The following SHTN1 variants were observed in gnomAD, a reference collection of about 807,000 sequenced individuals.
SHTN1 encodes the protein shootin 1.
A neutral mutation model predicts 83.1 loss-of-function variants in SHTN1; 42 were observed. The ratio of observed to expected loss-of-function variants is 0.51; its 90% CI spans 0.39 to 0.65. The LOEUF (loss-of-function observed/expected upper bound fraction) is 0.65. Among genes scored for constraint, SHTN1 ranks in the 30% least tolerant of loss-of-function variants. The pLI is 0.00. For synonymous variants in SHTN1, 224 were observed against 247.7 expected (o/e 0.90, Z 0.90); for missense variants, 622 against 737.8 (o/e 0.84, Z 1.82).
chr10:117,075,663 T>C (rs4752029), intron 1 of SHTN1, among the ~76,000 whole-genome samples: 138,468 of 152,184 alleles, frequency 0.91, 64,378 homozygotes, highest in Non-Finnish European at 1. Flanking sequence ...GTCAGGAAGA[T>C]ACCAGAGATA....
At chr10:116,946,652 G>A (rs10787732) in intron 7 of SHTN1, among the ~76,000 whole-genome samples, 68,772 of 84,940 alleles carry the variant, frequency 0.81, 29,378 homozygotes, top group Non-Finnish European at 0.91. Flanking sequence ...TATATAAAAT[G>A]ATTTATATAT....
At chr10:116,966,340 TAA>T (rs1017661193) in intron 3 of SHTN1, among the ~76,000 whole-genome samples, 18 of 152,108 alleles carry the variant, frequency 1.2e-4, no homozygotes, top group African/African-American at 3.9e-4. Context: ...TGAGACTGAG[TAA>T]AGAGTTGGCA....
chr10:116,976,420 C>T (rs991917174), intron 2 of SHTN1, among the ~76,000 whole-genome samples: 1 of 152,126 alleles, frequency 6.6e-6, no homozygotes, highest in African/African-American at 2.4e-5. Flanking sequence ...GGAAAAAATA[C>T]CTTGCAATTT....
intron 2 of SHTN1, among the ~76,000 whole-genome samples, chr10:117,010,782 AAATC>A (rs1217486718): frequency 1.3e-5 from 2 of 152,250 alleles, no homozygotes; most frequent in Admixed American, 6.5e-5. Flanking sequence ...CAACATAAGA[AAATC>A]AATCAATGTA....
chr10:117,065,001 T>C (rs1477650992), intron 1 of SHTN1, among the ~76,000 whole-genome samples: 1 of 152,188 alleles, frequency 6.6e-6, no homozygotes, highest in Non-Finnish European at 1.5e-5. Flanking sequence ...AGCACATGCT[T>C]ATCACCTCAC....
chr10:117,005,996 ATT>A (rs1852000260), upstream of SHTN1, among the ~76,000 whole-genome samples: 1 of 152,192 alleles, frequency 6.6e-6, no homozygotes. Context: ...CCTCTGAACT[ATT>A]TGAACTCATG....
rs562749927 is a variant in SHTN1, at chr10:116,919,986, G to C, written c.1195+1448C>G. Among the ~76,000 whole-genome samples the C allele has an allele frequency of 2.0e-5, 3 of 152,310 alleles. No homozygotes were observed. In the East Asian group the frequency reaches 5.8e-4, roughly 29 times the overall value. ...CATGAAAGCAGTGGGATGCTGCCAA[G>C]AAGAGTAAACCCTCAAAGAGCTTGC... On this transcript the variant is annotated intron_variant, in intron 12 of 16. Coordinates refer to ENST00000355371, the MANE Select transcript of SHTN1 (RefSeq NM_001127211.3).
chr10:117,016,967 G>A (rs1347376512), intron 2 of SHTN1, among the ~76,000 whole-genome samples: 1 of 152,116 alleles, frequency 6.6e-6, no homozygotes, highest in Non-Finnish European at 1.5e-5. Flanking sequence ...CATGAGCATA[G>A]CCAAAACCCA....
At chr10:117,061,135 CTTTTT>C (rs5788206) in intron 1 of SHTN1, among the ~76,000 whole-genome samples, 1 of 127,264 alleles carries the variant, frequency 7.9e-6, no homozygotes, top group Admixed American at 8.0e-5. Flanking sequence ...AAGCTTTAGT[CTTTTT>C]TTTTTTTTTT....
At chr10:117,065,454 A>G (rs1852962928) in intron 1 of SHTN1, among the ~76,000 whole-genome samples, 1 of 151,668 alleles carries the variant, frequency 6.6e-6, no homozygotes, top group African/African-American at 2.4e-5. Flanking sequence ...TGAGAGGCCG[A>G]GGCCTGTAAT....
At chr10:117,114,616 A>C (rs980362474) in intron 1 of SHTN1, among the ~76,000 whole-genome samples, 9 of 152,144 alleles carry the variant, frequency 5.9e-5, no homozygotes, top group Admixed American at 2.0e-4. Context: ...ACCTGGGGTG[A>C]AAACTATACA....
At position 116,885,084 on chromosome 10, in the gene SHTN1, A is replaced by AC; in HGVS notation, c.*1259dup. 1 of 152,760 alleles carries AC rather than the reference A, an allele frequency of 6.5e-6. No individual in the cohort carries two copies. The highest frequency in any genetic ancestry group is 3.4e-3 in the Middle Eastern group (1 of 294). 9.5% of individuals were successfully genotyped at this position (152,760 alleles called of 1,614,324 possible). A position where few individuals can be genotyped will look rare whatever the true frequency, so the allele number is the denominator to read the frequency against. On this transcript the variant is annotated 3_prime_UTR_variant, in exon 17 of 17. Transcript: ENST00000355371. Reference sequence around the variant, plus strand: ...ATTTAGGAAGTACATGTACCTGCCTACCCACCTCTTCAAGCCTATGCTTAC... The same window carrying AC: ...ATTTAGGAAGTACATGTACCTGCCTACCCCACCTCTTCAAGCCTATGCTTAC...
At chr10:117,068,282 C>G (rs973355390) in intron 1 of SHTN1, among the ~76,000 whole-genome samples, 1 of 152,050 alleles carries the variant, frequency 6.6e-6, no homozygotes, top group Admixed American at 6.6e-5. Context: ...CCCAGCTACT[C>G]AGAAGGTTGA....
chr10:116,882,761 T>C lies in SHTN1; in HGVS notation c.*3583A>G, dbSNP rs892173461. On this transcript the variant is annotated 3_prime_UTR_variant, in exon 17 of 17. Transcript: ENST00000355371. ...CAACTCTTTATTCTCAAAGCTATGA[T>C]TTGAAACTGGCTCAGGCGCAGACTC... 2.6e-5 allele frequency: 4 copies of C among 152,272 alleles called. No individual in the cohort carries two copies. The highest frequency in any genetic ancestry group is 5.9e-5 in the Non-Finnish European group (4 of 68,036). 9.4% of individuals were successfully genotyped at this position (152,272 alleles called of 1,614,324 possible). A position where few individuals can be genotyped will look rare whatever the true frequency, so the allele number is the denominator to read the frequency against.
intron 11 of SHTN1, 136 bp downstream of exon 11, chr10:116,927,656 A>G (rs1000582550): frequency 7.5e-6 from 9 of 1,199,890 alleles, no homozygotes; most frequent in East Asian, 5.4e-5. Flanking sequence ...CAACCAAACC[A>G]TATCACTGGC....
At chr10:117,112,561 T>G (rs926316002) in intron 1 of SHTN1, among the ~76,000 whole-genome samples, 3 of 152,172 alleles carry the variant, frequency 2.0e-5, no homozygotes, top group Non-Finnish European at 4.4e-5. Flanking sequence ...CTGAAGTAGA[T>G]ATTATTATTC....
chr10:117,111,721 T>C (rs1346996502), intron 1 of SHTN1, among the ~76,000 whole-genome samples: 1 of 152,014 alleles, frequency 6.6e-6, no homozygotes, highest in East Asian at 1.9e-4. Flanking sequence ...CCAATTCTTA[T>C]CCTATGGCCC....
intron 11 of SHTN1, among the ~76,000 whole-genome samples, chr10:116,926,173 T>C (rs1784307155): frequency 6.6e-6 from 1 of 152,182 alleles, no homozygotes. Flanking sequence ...TAAAGTGCTC[T>C]TTGGGAAAAA....
intron 1 of SHTN1, among the ~76,000 whole-genome samples, chr10:116,997,642 C>T (rs1851670769): frequency 6.6e-6 from 1 of 152,178 alleles, no homozygotes; most frequent in Admixed American, 6.5e-5. Flanking sequence ...CAATTCATCA[C>T]ATCACACTAT....
Sources: allele counts gnomAD v4.1 joint callset (sites outside exome capture counted in the v4.1 genomes callset), GRCh38; gene constraint gnomAD v4.1.1; transcripts MANE v1.5; gene names NCBI Gene and HGNC (gene_info 2026-07-23, HGNC 2026-07-21).